TEK: variants seen among roughly 807,000 people sequenced by gnomAD.
The protein encoded by TEK is TEK receptor tyrosine kinase, also known as angiopoietin-1 receptor.
In TEK, 43 loss-of-function variants were observed where a neutral mutation model predicts 131.8. The ratio of observed to expected loss-of-function variants is 0.33; its 90% CI spans 0.26 to 0.42. The LOEUF (loss-of-function observed/expected upper bound fraction) is 0.42. TEK is among the 10% of genes least tolerant of loss of function. The pLI is 1.00. For synonymous variants in TEK, 580 were observed against 491.6 expected (o/e 1.18, Z -2.38); for missense variants, 1,162 against 1,384.4 (o/e 0.84, Z 2.55).
At position 27,173,723 on chromosome 9, in the gene TEK, GT is replaced by G. The variant is rs71492737; in HGVS notation, c.901+373del. Among the ~76,000 whole-genome samples the G allele has an allele frequency of 1.6e-3, 143 of 92,056 alleles. 2 individuals carry two copies. The highest frequency in any genetic ancestry group is 3.6e-3 in the South Asian group (9 of 2,494). 60.4% of individuals were successfully genotyped at this position (92,056 alleles called of 152,430 possible). On this transcript the variant is annotated intron_variant, in intron 6 of 22. Transcript: ENST00000380036. ...TGAGTAGGAAGACCATAGAAGACTT[GT>G]TTTTTTTTTTTGGTTTTTTTTTTTT...
intron 6 of TEK, among the ~76,000 whole-genome samples, chr9:27,176,289 G>A (rs1824168971): frequency 6.6e-6 from 1 of 152,118 alleles, no homozygotes; most frequent in South Asian, 2.1e-4. Context: ...AAATAGTGGG[G>A]ACAATAAAGA....
intron 7 of TEK, among the ~76,000 whole-genome samples, chr9:27,181,068 G>A (rs1824352823): frequency 6.6e-6 from 1 of 151,914 alleles, no homozygotes; most frequent in African/African-American, 2.4e-5. Flanking sequence ...CCTAATTTCT[G>A]ACAACCATTT....
intron 1 of TEK, among the ~76,000 whole-genome samples, chr9:27,157,467 G>A (rs778567747): frequency 6.6e-6 from 1 of 152,138 alleles, no homozygotes; most frequent in African/African-American, 2.4e-5. Flanking sequence ...AGCATCAATT[G>A]ATAACTAATA....
chr9:27,169,796 G>A (rs1823881377), intron 4 of TEK, among the ~76,000 whole-genome samples, 167 bp downstream of exon 4: 1 of 152,214 alleles, frequency 6.6e-6, no homozygotes, highest in Admixed American at 6.5e-5. Flanking sequence ...ATAAGAGATA[G>A]CAATCATTAG....
Position 27,168,534 on chromosome 9 carries a change from A to C in TEK, c.404A>C (p.Lys135Thr). 6.2e-7 allele frequency: 1 copy of C among 1,613,996 alleles called. No homozygotes were observed. The highest frequency in any genetic ancestry group is 8.5e-7 in the Non-Finnish European group (1 of 1,179,900). Residue 135 changes from lysine to threonine, a missense_variant, in exon 3 of 23, where the codon AAG becomes ACG. Coordinates refer to ENST00000380036, the MANE Select transcript of TEK (RefSeq NM_000459.5). ...LPATLTMTVDKGDNVNISFKK... is the reference protein window; with the variant it reads ...LPATLTMTVDTGDNVNISFKK... ...GCTACTTTAACTATGACTGTGGACA[A>C]GGGAGATAACGTGAACATATCTTTC...
At chr9:27,190,027 C>T (rs1248829670) in intron 9 of TEK, among the ~76,000 whole-genome samples, 1 of 152,158 alleles carries the variant, frequency 6.6e-6, no homozygotes, top group Non-Finnish European at 1.5e-5. Flanking sequence ...ATGATAGCCA[C>T]CTGTGAAATA....
intron 15 of TEK, 68 bp downstream of exon 15, chr9:27,206,860 T>C: frequency 6.5e-7 from 1 of 1,544,694 alleles, no homozygotes; most frequent in South Asian, 1.2e-5. Flanking sequence ...TCCTGCTCAT[T>C]CTTTCCTCTA....
At chr9:27,171,709 G>A (rs1274148415) in intron 4 of TEK, among the ~76,000 whole-genome samples, 1 of 152,112 alleles carries the variant, frequency 6.6e-6, no homozygotes, top group Non-Finnish European at 1.5e-5. Context: ...CAGCCTTTTT[G>A]TAATATGAAT....
At chr9:27,208,796 G>C (rs1423079723) in intron 15 of TEK, among the ~76,000 whole-genome samples, 2 of 152,220 alleles carry the variant, frequency 1.3e-5, no homozygotes, top group African/African-American at 4.8e-5. Context: ...CTTTAGAGTA[G>C]TGGTTCTCAT....
intron 6 of TEK, among the ~76,000 whole-genome samples, chr9:27,175,707 G>A (rs1824143368): frequency 1.3e-5 from 2 of 152,246 alleles, no homozygotes; most frequent in South Asian, 4.2e-4. Context: ...GTATCTCATT[G>A]TGGTTTTGAT....
intron 1 of TEK, among the ~76,000 whole-genome samples, chr9:27,112,270 A>G (rs1181976191): frequency 6.6e-6 from 1 of 152,198 alleles, no homozygotes; most frequent in East Asian, 1.9e-4. Context: ...GGCAGAGGAA[A>G]CAGTTGTAAG....
intron 5 of TEK, 75 bp downstream of exon 5, chr9:27,172,822 G>A (rs1824008668): frequency 3.8e-6 from 6 of 1,585,764 alleles, no homozygotes; most frequent in African/African-American, 1.3e-5. Context: ...TTTAGATCTC[G>A]ACACAGATGG....
At chr9:27,153,311 G>T (rs542638912) in intron 1 of TEK, among the ~76,000 whole-genome samples, 3 of 152,144 alleles carry the variant, frequency 2.0e-5, no homozygotes, top group Non-Finnish European at 4.4e-5. Flanking sequence ...TTAGCTGGGC[G>T]TGGTCGCGGG....
intron 22 of TEK, 93 bp downstream of exon 22, chr9:27,228,398 C>A: frequency 1.0e-6 from 1 of 1,001,870 alleles, no homozygotes; most frequent in Admixed American, 1.9e-5. Context: ...TGAAGAAGTT[C>A]TTCTTGGCAT....
chr9:27,162,355 C>A (rs918370911), intron 2 of TEK, among the ~76,000 whole-genome samples: 3 of 152,104 alleles, frequency 2.0e-5, no homozygotes, highest in African/African-American at 7.2e-5. Flanking sequence ...CTCACACACT[C>A]CAAACAGACA....
intron 9 of TEK, 74 bp from the exon 10 acceptor site, chr9:27,190,455 T>C: frequency 1.3e-6 from 2 of 1,582,372 alleles, no homozygotes; most frequent in Non-Finnish European, 8.7e-7. Context: ...AAAACATATC[T>C]TCTACCTCTA....
At chr9:27,225,018 G>C (rs940235832) in intron 21 of TEK, among the ~76,000 whole-genome samples, 13 of 152,144 alleles carry the variant, frequency 8.5e-5, no homozygotes, top group Admixed American at 7.9e-4. Flanking sequence ...CTGCTACAAA[G>C]AGAATAAAAT....
At chr9:27,160,268 T>C (rs1823500824) in intron 2 of TEK, among the ~76,000 whole-genome samples, 1 of 152,044 alleles carries the variant, frequency 6.6e-6, no homozygotes. Flanking sequence ...CAAGCCATCC[T>C]CCCACTATGG....
chr9:27,137,387 G>C (rs920620355), intron 1 of TEK, among the ~76,000 whole-genome samples: 2 of 152,016 alleles, frequency 1.3e-5, no homozygotes, highest in African/African-American at 2.4e-5. Flanking sequence ...TGGGATTTTT[G>C]ATTTTTCACA....
Sources: gnomAD v4.1 joint callset for allele counts (sites outside exome capture counted in the v4.1 genomes callset) on GRCh38, gnomAD v4.1.1 for gene constraint, MANE v1.5 for transcripts, NCBI Gene and HGNC (gene_info 2026-07-23, HGNC 2026-07-21) for gene names.